Variants in MORC2 observed in about 807,000 individuals in gnomAD.
MORC2 encodes MORC family CW-type zinc finger 2, also known as ATPase MORC2.
A neutral mutation model predicts 136.0 loss-of-function variants in MORC2; 30 were observed. The observed-to-expected ratio is 0.22, with a 90% CI of 0.17 to 0.30. MORC2 has a LOEUF of 0.30. Among genes scored for constraint, MORC2 ranks in the 10% least tolerant of loss-of-function variants. The pLI, the probability that MORC2 is intolerant of heterozygous loss-of-function variation, is 1.00. For synonymous variants in MORC2, 439 were observed against 487.0 expected (o/e 0.90, Z 1.30); for missense variants, 922 against 1,333.1 (o/e 0.69, Z 4.80).
Position 30,942,136 on chromosome 22 carries a change from A to G in MORC2, c.562T>C (p.Phe188Leu). The G allele has an allele frequency of 6.2e-7, 1 of 1,613,908 alleles. No homozygotes were observed. The highest frequency in any genetic ancestry group is 8.5e-7 in the Non-Finnish European group (1 of 1,179,822). The change falls in exon 7 of 26, where the codon TTT (phenylalanine) becomes CTT (leucine). Residue 188 changes from phenylalanine (F) to leucine (L), a missense_variant. Phe to Leu is a conservative substitution (Grantham distance 22, BLOSUM62 0). Transcript: ENST00000397641. ...CCGCTGTCCCCAGGAATCTTCATAAACTGGGTCATCACTTCCTCCTCAGTG... is the reference window on the plus strand; with the variant it reads ...CCGCTGTCCCCAGGAATCTTCATAAGCTGGGTCATCACTTCCTCCTCAGTG... ...FRTEEEVMTQ[F>L]MKIPGDSGTL...
At chr22:30,928,572 C>T (rs1256447946) in intron 24 of MORC2, among the ~76,000 whole-genome samples, 6 of 152,214 alleles carry the variant, frequency 3.9e-5, no homozygotes, top group Non-Finnish European at 8.8e-5. Context: ...CAGTACAGCC[C>T]TTTCAACCAC....
At chr22:30,942,405 G>C (rs1174093038) in intron 6 of MORC2, 134 bp from the exon 7 acceptor site, 4 of 966,432 alleles carry the variant, frequency 4.1e-6, no homozygotes, top group African/African-American at 1.6e-5. Context: ...CCACAGCCTG[G>C]CACCAGAGGC....
rs777740636 is a variant in MORC2 at position 30,935,065 on chromosome 22, G to T, written c.1909C>A (p.Pro637Thr). Residue 637 changes from proline to threonine, a missense_variant, in exon 19 of 26, where the codon CCA (proline) becomes ACA (threonine). Physicochemically the swap from Pro to Thr is conservative, Grantham distance 38 (BLOSUM62 -1). Around this residue, in one of 9 missense-constraint regions of MORC2, gnomAD observed 184 missense variants for 180.3 expected, o/e 1.02. Coordinates refer to ENST00000397641, the MANE Select transcript of MORC2 (RefSeq NM_001303256.3). ...GGAGCCTTTCGGGGCTGGCTGGCTG[G>T]TCTAGGAGTTGGCAAAGAAGGGGGT... ...SRPPSLPTPR[P>T]ASQPRKAPVI... 1 of 1,614,010 alleles carries T rather than the reference G, an allele frequency of 6.2e-7. No individual in the cohort carries two copies. Among genetic ancestry groups the T allele is most frequent in the Non-Finnish European group, 8.5e-7 (1 of 1,180,038 alleles).
Position 30,949,860 on chromosome 22 carries a change from A to G in MORC2, c.227-18T>C. ...AGCATCACCTGAAAGGGCAGACACA[A>G]GAGAAAGTGAAAAGTTTGCATTTCT... On this transcript the variant is annotated intron_variant, in intron 4 of 25. Transcript: ENST00000397641. 6.2e-7 allele frequency: 1 copy of G among 1,612,554 alleles called. No homozygotes were observed.
At chr22:30,946,737 G>T (rs534944374) in intron 5 of MORC2, among the ~76,000 whole-genome samples, 5 of 151,990 alleles carry the variant, frequency 3.3e-5, no homozygotes, top group Non-Finnish European at 5.9e-5. Context: ...GCGGGCTCAC[G>T]GCAGACCACC....
chr22:30,934,669 C>T lies in MORC2; in HGVS notation c.2193+112G>A, dbSNP rs970835454. On this transcript the variant is annotated intron_variant, in intron 19 of 25. Coordinates refer to ENST00000397641, the MANE Select transcript of MORC2 (RefSeq NM_001303256.3). The surrounding 1 kb of genome is among the most constrained non-coding windows in gnomAD (Gnocchi z 4.4). ...CCCGTCCTCAGGGGCAGCAGCAAAGCTTTAGATTCAGTATCTTCCGAAGGC... is the reference window on the plus strand; with the variant it reads ...CCCGTCCTCAGGGGCAGCAGCAAAGTTTTAGATTCAGTATCTTCCGAAGGC... 2 of 1,437,740 alleles carry T rather than the reference C, an allele frequency of 1.4e-6. No individual in the cohort carries two copies. Among genetic ancestry groups the T allele is most frequent in the African/African-American group, 2.8e-5 (2 of 70,748 alleles). The allele number at this position is 1,437,740 out of a possible 1,614,324, so 89.1% of individuals were successfully genotyped here.
Position 30,941,291 on chromosome 22 carries a change from C to T in MORC2, c.824+142G>A. The T allele has an allele frequency of 5.7e-6, 7 of 1,238,450 alleles. No individual in the cohort carries two copies. The South Asian group carries it at 9.3e-5, about 16-fold the overall frequency. 76.7% of individuals were successfully genotyped at this position (1,238,450 alleles called of 1,614,324 possible). A position where few individuals can be genotyped will look rare whatever the true frequency, so the allele number is the denominator to read the frequency against. On this transcript the variant is annotated intron_variant, in intron 9 of 25. Coordinates refer to ENST00000397641, the MANE Select transcript of MORC2 (RefSeq NM_001303256.3). The surrounding 1 kb of genome is among the most constrained non-coding windows in gnomAD (Gnocchi z 4.6). Reference sequence around the variant, plus strand: ...TAGGACCCAGAACTGACCCTGTGACCAATCACAGGCAACTTAAAGTCCCAA... The same window carrying T: ...TAGGACCCAGAACTGACCCTGTGACTAATCACAGGCAACTTAAAGTCCCAA...
chr22:30,938,606 G>C (rs2147258510), intron 12 of MORC2, among the ~76,000 whole-genome samples: 2 of 152,200 alleles, frequency 1.3e-5, no homozygotes, highest in South Asian at 4.1e-4. Context: ...GTCTTGCTCT[G>C]TCGCCCAGGC....
rs200341867 is a variant in MORC2 at position 30,942,063 on chromosome 22, A to T, written c.586+49T>A. ...CCGGCCCACCCCCACACTACTTGTGATTCTGGAGCTCCCAGATTCTAGGGG... is the reference window on the plus strand; with the variant it reads ...CCGGCCCACCCCCACACTACTTGTGTTTCTGGAGCTCCCAGATTCTAGGGG... On this transcript the variant is annotated intron_variant, in intron 7 of 25. Coordinates refer to ENST00000397641, the MANE Select transcript of MORC2 (RefSeq NM_001303256.3). 5 of 1,610,202 alleles carry T rather than the reference A, an allele frequency of 3.1e-6. No homozygotes were observed. The Admixed American group carries it at 6.7e-5, about 21-fold the overall frequency.
chr22:30,967,611 A>T, intron 1 of MORC2: 1 of 1,362,746 alleles, frequency 7.3e-7, no homozygotes, highest in Non-Finnish European at 9.4e-7. Flanking sequence ...TTTTGATCCA[A>T]TAAACAAAAA....
chr22:30,946,629 A>C (rs1602496448), intron 5 of MORC2, among the ~76,000 whole-genome samples, 180 bp from the exon 6 acceptor site: 38 of 131,214 alleles, frequency 2.9e-4, no homozygotes, highest in Admixed American at 4.0e-4. Flanking sequence ...ATCCCCCAAC[A>C]CTCCTTCCTC....
Position 30,941,940 on chromosome 22 carries a change from T to G in MORC2, c.649A>C (p.Ile217Leu), listed in dbSNP as rs375266158. The G allele has an allele frequency of 2.5e-6, 4 of 1,613,898 alleles. No homozygotes were observed. The South Asian group carries it at 4.4e-5, about 18-fold the overall frequency. ...MDNGEPELDI[I>L]SNPRDIQMAE... The stretch of plus-strand genomic sequence containing the variant: ...ATCTGGATATCTCTTGGATTTGAGA[T>G]TATGTCTAGTTCTGGCTCTCCATTA... The change falls in exon 8 of 26, where the codon ATC becomes CTC. Residue 217 changes from isoleucine (I) to leucine (L), a missense_variant. Coordinates refer to ENST00000397641, the MANE Select transcript of MORC2 (RefSeq NM_001303256.3). This position sits in a 1 kb window ranked among gnomAD's most constrained non-coding sequence, Gnocchi z 4.6.
chr22:30,928,899 T>C (rs2040530893), intron 24 of MORC2, among the ~76,000 whole-genome samples: 1 of 152,230 alleles, frequency 6.6e-6, no homozygotes, highest in African/African-American at 2.4e-5. Context: ...CAAGTTCAAA[T>C]TTATAACATG....
chr22:30,937,339 T>TG lies in MORC2; in HGVS notation c.1498+243dup, dbSNP rs2040668927. On this transcript the variant is annotated intron_variant, in intron 15 of 25. Coordinates refer to ENST00000397641, the MANE Select transcript of MORC2 (RefSeq NM_001303256.3). The surrounding 1 kb of genome is among the most constrained non-coding windows in gnomAD (Gnocchi z 4.7). ...CATGTGGTACCAAACCAAGTGAGCC[T>TG]GGCCTGGCTGCAGCTGGAGAGGCCT... 6.6e-6 allele frequency among the ~76,000 whole-genome samples: 1 copy of TG among 152,140 alleles called. No homozygotes were observed. Among genetic ancestry groups the TG allele is most frequent in the African/African-American group, 2.4e-5 (1 of 41,422 alleles).
rs1210812471 is a variant in MORC2, at chr22:30,926,768, G to A, written c.*35C>T. On this transcript the variant is annotated 3_prime_UTR_variant, in exon 26 of 26. Transcript: ENST00000397641. ...CCCCCTGCAGCTACAGGGTTGAGGGGCAGGTGGGCAGGGGAGCTGCTCTCT... is the reference window on the plus strand; with the variant it reads ...CCCCCTGCAGCTACAGGGTTGAGGGACAGGTGGGCAGGGGAGCTGCTCTCT... 6.3e-6 allele frequency: 10 copies of A among 1,584,882 alleles called. No homozygotes were observed. The highest frequency in any genetic ancestry group is 8.7e-6 in the Non-Finnish European group (10 of 1,155,818).
intron 1 of MORC2, among the ~76,000 whole-genome samples, chr22:30,959,720 T>C (rs183111981): frequency 1.1e-4 from 16 of 152,362 alleles, no homozygotes; most frequent in Admixed American, 3.9e-4. Context: ...AAAATATCCA[T>C]GTTACTCTGA....
chr22:30,939,857 G>A (rs2040714540), intron 11 of MORC2, 102 bp downstream of exon 11: 1 of 1,382,336 alleles, frequency 7.2e-7, no homozygotes, highest in East Asian at 2.4e-5. Context: ...AGCCCTCACT[G>A]GGGACAAACT....
chr22:30,944,177 G>C (rs942339449), intron 6 of MORC2, among the ~76,000 whole-genome samples: 1 of 152,176 alleles, frequency 6.6e-6, no homozygotes, highest in Non-Finnish European at 1.5e-5. Context: ...GTTTGCACTA[G>C]AGTACAATCC....
At chr22:30,967,360 A>G (rs1569207450) in intron 1 of MORC2, 2 of 986,946 alleles carry the variant, frequency 2.0e-6, no homozygotes, top group East Asian at 2.3e-4. Context: ...CTTCTGAAAA[A>G]ATAAAAATTT....
Sources: gnomAD v4.1 joint callset for allele counts (sites outside exome capture counted in the v4.1 genomes callset) on GRCh38, gnomAD v4.1.1 for gene constraint, gnomAD v4.1.1 regional missense constraint, Gnocchi (gnomAD v3.1) non-coding constraint, MANE v1.5 for transcripts, NCBI Gene and HGNC (gene_info 2026-07-23, HGNC 2026-07-21) for gene names.